DOCK10: variants seen among roughly 807,000 people sequenced by gnomAD.
DOCK10 encodes the protein dedicator of cytokinesis protein 10.
DOCK10 carries 145 observed loss-of-function variants against 280.1 expected under a neutral mutation model. The ratio of observed to expected loss-of-function variants is 0.52; its 90% CI spans 0.45 to 0.59. DOCK10 has a LOEUF of 0.59. Ranked by LOEUF, DOCK10 falls within the 20% of genes least tolerant of loss-of-function variation. The pLI is 0.00. For missense variants in DOCK10, 2,368 were observed against 2,651.7 expected, an observed-to-expected ratio of 0.89 and a Z score of 2.35; for synonymous variants, 915 against 942.2, an observed-to-expected ratio of 0.97 and a Z score of 0.53.
At chr2:224,948,354 A>G (rs1482866911) in intron 1 of DOCK10, among the ~76,000 whole-genome samples, 2 of 152,322 alleles carry the variant, frequency 1.3e-5, no homozygotes, top group East Asian at 3.9e-4. Context: ...ATTACTTTGT[A>G]ATTGGCTTAG....
At chr2:224,779,578 G>C (rs1691153263) in intron 50 of DOCK10, among the ~76,000 whole-genome samples, 1 of 151,982 alleles carries the variant, frequency 6.6e-6, no homozygotes, top group Non-Finnish European at 1.5e-5. Flanking sequence ...GATGTCAAAA[G>C]GAAACTTACC....
chr2:224,952,952 G>A (rs1194066164), intron 1 of DOCK10, among the ~76,000 whole-genome samples: 1 of 152,212 alleles, frequency 6.6e-6, no homozygotes, highest in Non-Finnish European at 1.5e-5. Flanking sequence ...TATCCAATCC[G>A]GAAATGGCAT....
At chr2:224,788,931 C>T in intron 48 of DOCK10, 133 bp downstream of exon 48, 2 of 603,708 alleles carry the variant, frequency 3.3e-6, no homozygotes, top group Non-Finnish European at 5.7e-6. Context: ...TAATTTTAGC[C>T]TGCATTTCAT....
intron 12 of DOCK10, 37 bp downstream of exon 12, chr2:224,864,829 G>C (rs756127852): frequency 2.5e-6 from 4 of 1,610,754 alleles, no homozygotes; most frequent in Admixed American, 1.7e-5. Flanking sequence ...AATGGTACAA[G>C]CATTTTCCAT....
At position 224,860,284 on chromosome 2, in the gene DOCK10, TCTCTC is replaced by T. The variant is rs1188257958; in HGVS notation, c.1685+2375_1685+2379del. The stretch of plus-strand genomic sequence containing the variant: ...TTCAATAATGGGTAATTCTTTGACT[TCTCTC>T]CTTTATATTGTTCTTCACTGCCCCA... On this transcript the variant is annotated intron_variant, in intron 14 of 55. Transcript: ENST00000258390. 2.0e-5 allele frequency among the ~76,000 whole-genome samples: 3 copies of T among 152,194 alleles called. No individual in the cohort carries two copies. The East Asian group carries it at 5.8e-4, about 29-fold the overall frequency.
intron 1 of DOCK10, among the ~76,000 whole-genome samples, chr2:224,986,790 A>G (rs1398234988): frequency 1.3e-5 from 2 of 152,196 alleles, no homozygotes; most frequent in Non-Finnish European, 2.9e-5. Flanking sequence ...TCTATTGTTT[A>G]AACCACCTAG....
At chr2:224,921,112 A>AAAAAAAAT in intron 2 of DOCK10, among the ~76,000 whole-genome samples, 3 of 54,416 alleles carry the variant, frequency 5.5e-5, no homozygotes, top group African/African-American at 4.7e-4. Context: ...AAAAAAAAAA[A>AAAAAAAAT]ATATATATAT....
At position 224,765,540 on chromosome 2, in the gene DOCK10, GA is replaced by G. The variant is rs3835782; in HGVS notation, c.*180del. On this transcript the variant is annotated 3_prime_UTR_variant, in exon 56 of 56. Transcript: ENST00000258390. ...CCTGGCTTGATCAACACTGCTCAAAGAAAAAAAAATTATACAAAATGTGCAA... is the reference window on the plus strand; with the variant it reads ...CCTGGCTTGATCAACACTGCTCAAAGAAAAAAAATTATACAAAATGTGCAA... The G allele has an allele frequency of 1.3e-4, 70 of 528,644 alleles. No homozygotes were observed. The highest frequency in any genetic ancestry group is 1.5e-4 in the Non-Finnish European group (46 of 297,684). 32.7% of individuals were successfully genotyped at this position (528,644 alleles called of 1,614,324 possible). A position where few individuals can be genotyped will look rare whatever the true frequency, so the allele number is the denominator to read the frequency against.
chr2:224,957,022 T>G (rs1375076649), intron 1 of DOCK10, among the ~76,000 whole-genome samples: 1 of 152,138 alleles, frequency 6.6e-6, no homozygotes, highest in Non-Finnish European at 1.5e-5. Context: ...AAATCAGGGT[T>G]TCTTAAACTC....
At chr2:224,778,048 C>A in intron 51 of DOCK10, 90 bp downstream of exon 51, 2 of 1,329,404 alleles carry the variant, frequency 1.5e-6, no homozygotes, top group Non-Finnish European at 2.1e-6. Context: ...TACTTTGCAT[C>A]GTCAGGCAGA....
chr2:224,799,260 T>C (rs1324366995), intron 41 of DOCK10, among the ~76,000 whole-genome samples: 1 of 152,264 alleles, frequency 6.6e-6, no homozygotes, highest in African/African-American at 2.4e-5. Context: ...TGGAATAATA[T>C]ACACTGAGTA....
Position 224,852,401 on chromosome 2 carries a change from A to G in DOCK10, c.2118T>C (p.Asp706=). The G allele has an allele frequency of 1.3e-6, 2 of 1,572,924 alleles. No homozygotes were observed. The highest frequency in any genetic ancestry group is 1.7e-6 in the Non-Finnish European group (2 of 1,157,976). Residue 706 remains aspartate (D), a synonymous_variant, in exon 18 of 56, where the codon GAT becomes GAC. Transcript: ENST00000258390. The part of the protein sequence containing the change: ...ITVCIEFKNS[D]EESAKPLKCI... ...CCTTCAGGGGCTTGGCACTTTCTTC[A>G]TCTGAATTTTTGAATTCAATGCACA...
chr2:224,815,855 G>A (rs1694098576), intron 30 of DOCK10, among the ~76,000 whole-genome samples: 2 of 152,126 alleles, frequency 1.3e-5, no homozygotes, highest in African/African-American at 4.8e-5. Context: ...GGCCAACATG[G>A]TGAAACCTCT....
At chr2:224,966,777 C>T (rs750503863) in intron 1 of DOCK10, among the ~76,000 whole-genome samples, 9 of 152,110 alleles carry the variant, frequency 5.9e-5, no homozygotes, top group Non-Finnish European at 1.2e-4. Flanking sequence ...TCAACACTTG[C>T]TGGCTTTATG....
intron 41 of DOCK10, among the ~76,000 whole-genome samples, chr2:224,799,873 C>T (rs1180971801): frequency 1.3e-5 from 2 of 152,074 alleles, no homozygotes; most frequent in East Asian, 3.8e-4. Context: ...CACACTATCA[C>T]TCAGCCCAGC....
intron 1 of DOCK10, among the ~76,000 whole-genome samples, chr2:225,001,037 G>A (rs2126284586): frequency 6.6e-6 from 1 of 152,316 alleles, no homozygotes; most frequent in East Asian, 1.9e-4. Flanking sequence ...GTGTTAATTG[G>A]AGTTAAACTA....
chr2:224,832,100 A>G (rs1469883577), intron 26 of DOCK10, among the ~76,000 whole-genome samples: 1 of 152,116 alleles, frequency 6.6e-6, no homozygotes, highest in Non-Finnish European at 1.5e-5. Context: ...TCAAGAACGC[A>G]CCCCTTGCAT....
rs1699293186 is a variant in DOCK10, at chr2:224,886,525, T to G, written c.423A>C (p.Glu141Asp). The G allele has an allele frequency of 1.2e-6, 2 of 1,602,960 alleles. No homozygotes were observed. Among genetic ancestry groups the G allele is most frequent in the Non-Finnish European group, 1.7e-6 (2 of 1,178,712 alleles). The change falls in exon 5 of 56, where the codon GAA becomes GAC. Residue 141 changes from glutamate (E) to aspartate (D), a missense_variant. Transcript: ENST00000258390. ...GTGAAGGAAGCTTCTCTGGTTTGTA[T>G]TCTGCTCTGATATTAAAAAAAAAAA... is the stretch of plus-strand genomic sequence containing the variant. The part of the protein sequence containing the change: ...SGDIRQLPRA[E>D]YKPEKLPSHS...
At chr2:224,965,250 G>T (rs1293355280) in intron 1 of DOCK10, among the ~76,000 whole-genome samples, 1 of 152,154 alleles carries the variant, frequency 6.6e-6, no homozygotes, top group African/African-American at 2.4e-5. Flanking sequence ...GTTCAAGGAG[G>T]TTTGGTGATA....
Sources: gnomAD v4.1 joint callset for allele counts (sites outside exome capture counted in the v4.1 genomes callset) on GRCh38, gnomAD v4.1.1 for gene constraint, MANE v1.5 for transcripts, NCBI Gene and HGNC (gene_info 2026-07-23, HGNC 2026-07-21) for gene names.